The following SNRNP48 variants were observed in gnomAD, a reference collection of about 807,000 sequenced individuals.
The protein encoded by SNRNP48 is small nuclear ribonucleoprotein U11/U12 subunit 48.
A neutral mutation model predicts 47.0 loss-of-function variants in SNRNP48; 43 were observed. The ratio of observed to expected loss-of-function variants is 0.92; its 90% CI spans 0.72 to 1.18. The LOEUF (loss-of-function observed/expected upper bound fraction) is 1.18. Among genes scored for constraint, SNRNP48 ranks in the 50% most tolerant of loss-of-function variants. SNRNP48 has a pLI of 0.00. For synonymous variants in SNRNP48, 138 were observed against 144.0 expected, an observed-to-expected ratio of 0.96 and a Z score of 0.30; for missense variants, 396 against 422.2, an observed-to-expected ratio of 0.94 and a Z score of 0.54.
intron 8 of SNRNP48, 67 bp from the exon 9 acceptor site, chr6:7,608,758 A>G: frequency 1.2e-6 from 1 of 841,102 alleles, no homozygotes; most frequent in Non-Finnish European, 1.8e-6. Context: ...CTGTTGAATT[A>G]TTTTAAAGCT....
intron 1 of SNRNP48, among the ~76,000 whole-genome samples, chr6:7,592,228 G>A (rs115552039): frequency 2.1e-3 from 322 of 152,298 alleles, no homozygotes; most frequent in African/African-American, 7.4e-3. Flanking sequence ...ATGTGTAGAA[G>A]TTCAGAGACA....
chr6:7,607,803 G>A (rs1443894403), intron 8 of SNRNP48, among the ~76,000 whole-genome samples: 1 of 152,176 alleles, frequency 6.6e-6, no homozygotes, highest in Non-Finnish European at 1.5e-5. Context: ...TCTCTCCAGG[G>A]CCACTGGTAA....
intron 1 of SNRNP48, among the ~76,000 whole-genome samples, chr6:7,592,785 G>A (rs1458657518): frequency 6.6e-6 from 1 of 152,118 alleles, no homozygotes; most frequent in Non-Finnish European, 1.5e-5. Flanking sequence ...AGATGGTGTT[G>A]TATTCCAGGA....
chr6:7,598,305 G>A (rs1171826277), intron 4 of SNRNP48, among the ~76,000 whole-genome samples: 2 of 151,842 alleles, frequency 1.3e-5, no homozygotes, highest in African/African-American at 4.8e-5. Flanking sequence ...GACCAGCCTG[G>A]CCAACATGGT....
chr6:7,606,184 A>C lies in SNRNP48; in HGVS notation c.960A>C (p.Arg320Ser). ...AGGATAAAAACTGTGAGTCGAGAAG[A>C]AGGAAAGAGAGGTGGGTCTAACCCT... ...KDKDKNCESR[R>S]RKERDGERHH... Residue 320 changes from arginine to serine, a missense_variant, in exon 8 of 9, where the codon AGA becomes AGC. Transcript: ENST00000342415. 6.2e-7 allele frequency: 1 copy of C among 1,609,834 alleles called. No individual in the cohort carries two copies. Among genetic ancestry groups the C allele is most frequent in the Non-Finnish European group, 8.5e-7 (1 of 1,178,636 alleles).
chr6:7,598,147 G>A (rs949430731), intron 4 of SNRNP48, among the ~76,000 whole-genome samples: 14 of 151,082 alleles, frequency 9.3e-5, no homozygotes, highest in African/African-American at 3.4e-4. Flanking sequence ...GATTACAGGC[G>A]GGAGCCACCG....
chr6:7,600,740 C>G (rs995853310), intron 4 of SNRNP48: 4 of 152,130 alleles, frequency 2.6e-5, no homozygotes, highest in South Asian at 2.1e-4. Context: ...TTAATTTAAT[C>G]TGTGCTTTCC....
chr6:7,603,773 C>G (rs1040430158), intron 6 of SNRNP48, among the ~76,000 whole-genome samples: 1 of 152,160 alleles, frequency 6.6e-6, no homozygotes, highest in Non-Finnish European at 1.5e-5. Context: ...CTTAACTTAG[C>G]AAGTAGAGAC....
intron 6 of SNRNP48, among the ~76,000 whole-genome samples, chr6:7,603,524 C>T (rs1437891668): frequency 6.6e-6 from 1 of 152,198 alleles, no homozygotes; most frequent in African/African-American, 2.4e-5. Flanking sequence ...AAGCATGTCT[C>T]TTAAACTATA....
At chr6:7,598,790 G>C (rs1427864745) in intron 4 of SNRNP48, among the ~76,000 whole-genome samples, 1 of 152,168 alleles carries the variant, frequency 6.6e-6, no homozygotes, top group Non-Finnish European at 1.5e-5. Flanking sequence ...CCTAAACTCA[G>C]TGTACAGAAT....
At chr6:7,591,640 T>C (rs1759821292) in intron 1 of SNRNP48, among the ~76,000 whole-genome samples, 1 of 152,250 alleles carries the variant, frequency 6.6e-6, no homozygotes, top group Admixed American at 6.5e-5. Context: ...CATTGTTTAC[T>C]CAGCATTGCG....
At chr6:7,590,475 A>G in intron 1 of SNRNP48, 62 bp downstream of exon 1, 1 of 1,253,208 alleles carries the variant, frequency 8.0e-7, no homozygotes, top group Non-Finnish European at 1.0e-6. Context: ...CTCTGGAAGA[A>G]GGGAGATCCG....
intron 1 of SNRNP48, among the ~76,000 whole-genome samples, chr6:7,590,626 C>T (rs1443723948): frequency 6.6e-6 from 1 of 152,180 alleles, no homozygotes; most frequent in East Asian, 1.9e-4. Context: ...GCGAGGAACT[C>T]CCGAAGGCTC....
In SNRNP48 at chr6:7,608,956, G is replaced by A. The variant is rs966655151; in HGVS notation, c.*83G>A. The A allele has an allele frequency of 4.1e-6, 3 of 734,312 alleles. No homozygotes were observed. The highest frequency in any genetic ancestry group is 6.2e-6 in the Non-Finnish European group (3 of 485,036). The allele number at this position is 734,312 out of a possible 1,614,324, so 45.5% of individuals were successfully genotyped here. A position where few individuals can be genotyped will look rare whatever the true frequency, so the allele number is the denominator to read the frequency against. On this transcript the variant is annotated 3_prime_UTR_variant, in exon 9 of 9. Coordinates refer to ENST00000342415, the MANE Select transcript of SNRNP48 (RefSeq NM_152551.4). The stretch of plus-strand genomic sequence containing the variant: ...ATATTAATTGGAATTCCTTTGCATA[G>A]GAGAATGTTTTTATGATCTGTTTAG...
At position 7,606,044 on chromosome 6, in the gene SNRNP48, C is replaced by T. The variant is rs775445344; in HGVS notation, c.820C>T (p.Arg274Ter). ...EDDAEKNEER[R>*]SASVDSRQSG... ...TCTGTGTTTTAGGAATGAAGAAAGG[C>T]GATCAGCTTCAGTAGATTCACGGCA... Residue 274 changes from arginine (R) to a stop codon, truncating the protein, a stop_gained, in exon 8 of 9, where the codon CGA (arginine) becomes TGA (stop). Coordinates refer to ENST00000342415, the MANE Select transcript of SNRNP48 (RefSeq NM_152551.4). LOFTEE classifies it high-confidence loss of function. The T allele has an allele frequency of 3.8e-6, 6 of 1,594,902 alleles. No individual in the cohort carries two copies. In the South Asian group the frequency reaches 4.6e-5, roughly 12 times the overall value.
At chr6:7,590,717 C>G (rs1250303476) in intron 1 of SNRNP48, among the ~76,000 whole-genome samples, 1 of 152,252 alleles carries the variant, frequency 6.6e-6, no homozygotes, top group African/African-American at 2.4e-5. Context: ...GTGGCGCACG[C>G]CTGTAATCCT....
At chr6:7,608,388 C>G (rs1760171966) in intron 8 of SNRNP48, among the ~76,000 whole-genome samples, 1 of 152,040 alleles carries the variant, frequency 6.6e-6, no homozygotes, top group African/African-American at 2.4e-5. Flanking sequence ...GAAACCCTGA[C>G]TCTACTAAAA....
In SNRNP48 at chr6:7,596,030, G is replaced by A. The variant is rs987705253; in HGVS notation, c.406+929G>A. On this transcript the variant is annotated intron_variant, in intron 4 of 8. Coordinates refer to ENST00000342415, the MANE Select transcript of SNRNP48 (RefSeq NM_152551.4). ...TGTCATCCCAGCACTTTGGGAGGCCGAGGCAGGTGGATCATCTGAGGTCAG... is the reference window on the plus strand; with the variant it reads ...TGTCATCCCAGCACTTTGGGAGGCCAAGGCAGGTGGATCATCTGAGGTCAG... Among the ~76,000 whole-genome samples the A allele has an allele frequency of 6.6e-5, 10 of 152,264 alleles. 1 individual carries two copies. Among genetic ancestry groups the A allele is most frequent in the South Asian group, 6.2e-4 (3 of 4,826 alleles).
At position 7,595,198 on chromosome 6, in the gene SNRNP48, T is replaced by C. The variant is rs988888402; in HGVS notation, c.406+97T>C. 3.8e-5 allele frequency: 39 copies of C among 1,032,008 alleles called. 1 individual carries two copies. The African/African-American group carries it at 6.0e-4, about 16-fold the overall frequency. The allele number at this position is 1,032,008 out of a possible 1,614,324, so 63.9% of individuals were successfully genotyped here. ...TTCTTCAAGAAAAACCTGTGAAAAC[T>C]GTTACATGGGAAAGGTAAAGTTTTA... is the stretch of plus-strand genomic sequence containing the variant. On this transcript the variant is annotated intron_variant, in intron 4 of 8. Coordinates refer to ENST00000342415, the MANE Select transcript of SNRNP48 (RefSeq NM_152551.4).
Sources: gnomAD v4.1 joint callset for allele counts (sites outside exome capture counted in the v4.1 genomes callset) on GRCh38, gnomAD v4.1.1 for gene constraint, MANE v1.5 for transcripts, NCBI Gene and HGNC (gene_info 2026-07-23, HGNC 2026-07-21) for gene names.